CTNNA3: variants seen among roughly 807,000 people sequenced by gnomAD.
CTNNA3 encodes catenin alpha-3.
CTNNA3 carries 76 observed loss-of-function variants against 95.7 expected under a neutral mutation model. That is an observed-to-expected ratio of 0.79 (90% CI 0.66 to 0.96). The LOEUF (loss-of-function observed/expected upper bound fraction) is 0.96. Among genes scored for constraint, CTNNA3 ranks in the 40% least tolerant of loss-of-function variants. The pLI is 0.00. For synonymous variants in CTNNA3, 431 were observed against 374.4 expected, an observed-to-expected ratio of 1.15 and a Z score of -1.74; for missense variants, 1,191 against 1,089.8, an observed-to-expected ratio of 1.09 and a Z score of -1.31.
intron 16 of CTNNA3, among the ~76,000 whole-genome samples, chr10:65,982,606 C>T (rs796400763): frequency 2.7e-5 from 4 of 150,262 alleles, no homozygotes; most frequent in African/African-American, 9.7e-5. Context: ...AGCCCAAATG[C>T]CCATCAATCA....
At chr10:66,304,181 A>G (rs1305287416) in intron 12 of CTNNA3, among the ~76,000 whole-genome samples, 1 of 152,188 alleles carries the variant, frequency 6.6e-6, no homozygotes, top group East Asian at 1.9e-4. Context: ...AAGGAATGCA[A>G]ATTGAAAACA....
chr10:66,123,935 T>C (rs190806577), intron 13 of CTNNA3, among the ~76,000 whole-genome samples: 445 of 152,282 alleles, frequency 2.9e-3, no homozygotes, highest in Non-Finnish European at 4.6e-3. Flanking sequence ...CCTCCAGGCC[T>C]GTGATAGAAG....
chr10:66,913,218 G>A (rs1363708223), intron 7 of CTNNA3, among the ~76,000 whole-genome samples: 1 of 103,318 alleles, frequency 9.7e-6, no homozygotes, highest in African/African-American at 3.7e-5. Context: ...CGGCCTGGGC[G>A]AAAGAGCGAG....
chr10:67,197,700 T>C (rs972060568), intron 6 of CTNNA3, among the ~76,000 whole-genome samples: 1 of 152,104 alleles, frequency 6.6e-6, no homozygotes, highest in African/African-American at 2.4e-5. Flanking sequence ...CAACTAAAGA[T>C]GTTCTTGGTA....
At chr10:66,340,462 A>C (rs1005627475) in intron 12 of CTNNA3, among the ~76,000 whole-genome samples, 1 of 151,850 alleles carries the variant, frequency 6.6e-6, no homozygotes, top group Admixed American at 6.6e-5. Context: ...GTACTCCACT[A>C]GACAGATAGT....
rs905649292 is a variant in CTNNA3, at chr10:65,916,584, G to T, written c.*3746C>A. 6.6e-6 allele frequency: 1 copy of T among 152,142 alleles called. No homozygotes were observed. Among genetic ancestry groups the T allele is most frequent in the African/African-American group, 2.4e-5 (1 of 41,430 alleles). 9.4% of individuals were successfully genotyped at this position (152,142 alleles called of 1,614,324 possible). On this transcript the variant is annotated 3_prime_UTR_variant, in exon 18 of 18. Coordinates refer to ENST00000433211, the MANE Select transcript of CTNNA3 (RefSeq NM_013266.4). ...TACCAAAATTTAAGAATGTTTTGGG[G>T]AATAGAAAGACTAAAGGAATAATGT... is the stretch of plus-strand genomic sequence containing the variant.
At chr10:67,257,309 A>G (rs1463178679) in intron 5 of CTNNA3, among the ~76,000 whole-genome samples, 1 of 152,228 alleles carries the variant, frequency 6.6e-6, no homozygotes, top group Non-Finnish European at 1.5e-5. Flanking sequence ...AGTAATCTGG[A>G]GAATAAAGTA....
At chr10:67,704,079 G>A (rs1841061853) in intron 1 of CTNNA3, among the ~76,000 whole-genome samples, 1 of 152,076 alleles carries the variant, frequency 6.6e-6, no homozygotes, top group South Asian at 2.1e-4. Context: ...GGGATGTGAA[G>A]GACCTCCTCA....
At chr10:67,094,690 A>G (rs1282449252) in intron 7 of CTNNA3, among the ~76,000 whole-genome samples, 1 of 151,772 alleles carries the variant, frequency 6.6e-6, no homozygotes, top group African/African-American at 2.4e-5. Flanking sequence ...GGAAGAAATG[A>G]CTTAAATTTA....
At chr10:66,766,480 C>A in intron 8 of CTNNA3, 64 bp from the exon 9 acceptor site, 2 of 1,419,358 alleles carry the variant, frequency 1.4e-6, no homozygotes, top group East Asian at 4.6e-5. Flanking sequence ...GTTTCCTTTT[C>A]TTACAATCTC....
At position 66,581,526 on chromosome 10, in the gene CTNNA3, T is replaced by C. The variant is rs552152397; in HGVS notation, c.1374+40166A>G. ...TAGTGATGTTGAGCATTTATTCATA[T>C]GTTTTTGACCATTTGTATATTTTTT... On this transcript the variant is annotated intron_variant, in intron 10 of 17. Transcript: ENST00000433211. Among the ~76,000 whole-genome samples the C allele has an allele frequency of 2.6e-5, 4 of 151,928 alleles. No individual in the cohort carries two copies. The South Asian group carries it at 6.2e-4, about 24-fold the overall frequency.
chr10:66,542,665 A>C (rs950600028), intron 10 of CTNNA3, among the ~76,000 whole-genome samples: 2 of 149,234 alleles, frequency 1.3e-5, no homozygotes, highest in Non-Finnish European at 3.0e-5. Flanking sequence ...GCATGTTCTC[A>C]CTCATAGGTG....
intron 7 of CTNNA3, among the ~76,000 whole-genome samples, chr10:66,846,128 T>C (rs1459823874): frequency 2.3e-5 from 3 of 133,086 alleles, no homozygotes; most frequent in African/African-American, 9.5e-5. Flanking sequence ...CGAGACTCTG[T>C]CTCAAAAAAA....
At chr10:66,695,131 A>T (rs10997312) in intron 9 of CTNNA3, among the ~76,000 whole-genome samples, 3,526 of 152,306 alleles carry the variant, frequency 0.023, 180 homozygotes, top group East Asian at 0.22. Context: ...AATGCCAGAG[A>T]TATTTCAAGG....
At chr10:66,207,658 T>C (rs997577444) in intron 13 of CTNNA3, among the ~76,000 whole-genome samples, 3 of 152,048 alleles carry the variant, frequency 2.0e-5, no homozygotes, top group Admixed American at 1.3e-4. Context: ...TTTTACATTG[T>C]GAAGCTAATT....
At chr10:66,001,360 T>C (rs1466334008) in intron 15 of CTNNA3, among the ~76,000 whole-genome samples, 1 of 152,200 alleles carries the variant, frequency 6.6e-6, no homozygotes, top group African/African-American at 2.4e-5. Flanking sequence ...TTTGATGTTT[T>C]CTTTTTTATA....
chr10:66,672,287 G>A (rs527305259), intron 9 of CTNNA3, among the ~76,000 whole-genome samples: 1 of 152,122 alleles, frequency 6.6e-6, no homozygotes, highest in East Asian at 1.9e-4. Flanking sequence ...TATAGGCTCT[G>A]TGTGAAGAAG....
chr10:67,371,501 T>G (rs1214485734), intron 5 of CTNNA3, among the ~76,000 whole-genome samples: 1 of 151,780 alleles, frequency 6.6e-6, no homozygotes, highest in Non-Finnish European at 1.5e-5. Context: ...GTCCTTGCAA[T>G]AGTTTGCTGA....
At chr10:66,323,050 T>A (rs1307906435) in intron 12 of CTNNA3, among the ~76,000 whole-genome samples, 1 of 151,952 alleles carries the variant, frequency 6.6e-6, no homozygotes, top group African/African-American at 2.4e-5. Flanking sequence ...AGGACTTATT[T>A]GGCTTATGGG....
Sources: gnomAD v4.1 joint callset for allele counts (sites outside exome capture counted in the v4.1 genomes callset) on GRCh38, gnomAD v4.1.1 for gene constraint, MANE v1.5 for transcripts, NCBI Gene and HGNC (gene_info 2026-07-23, HGNC 2026-07-21) for gene names.